The following IGSF11 variants were observed in gnomAD, a reference collection of about 807,000 sequenced individuals.
IGSF11 encodes immunoglobulin superfamily member 11, also known as CXADR like 1.
IGSF11 carries 22 observed loss-of-function variants against 41.0 expected under a neutral mutation model. The ratio of observed to expected loss-of-function variants is 0.54; its 90% CI spans 0.38 to 0.77. The LOEUF is 0.77. IGSF11 is among the 30% of genes least tolerant of loss of function. The pLI, the probability that IGSF11 is intolerant of heterozygous loss-of-function variation, is 0.00. For missense variants in IGSF11, 444 were observed against 530.8 expected (o/e 0.84, Z 1.61); for synonymous variants, 219 against 201.3 (o/e 1.09, Z -0.74).
intron 1 of IGSF11, among the ~76,000 whole-genome samples, chr3:118,935,093 A>G (rs1943139509): frequency 6.6e-6 from 1 of 151,832 alleles, no homozygotes; most frequent in Non-Finnish European, 1.5e-5. Flanking sequence ...GCTTTTAATC[A>G]TACCTTGCGA....
intron 1 of IGSF11, among the ~76,000 whole-genome samples, chr3:118,972,627 T>TA (rs1429070803): frequency 3.3e-5 from 5 of 152,182 alleles, no homozygotes; most frequent in Non-Finnish European, 5.9e-5. Context: ...AACACATGGG[T>TA]ACAGGGCTGG....
rs1938906598 is a variant in IGSF11 at position 118,901,864 on chromosome 3, T to C, written c.*656A>G. The C allele has an allele frequency of 6.6e-6, 1 of 152,050 alleles. No homozygotes were observed. The highest frequency in any genetic ancestry group is 2.1e-4 in the South Asian group (1 of 4,818). The allele number at this position is 152,050 out of a possible 1,614,324, so 9.4% of individuals were successfully genotyped here. A position where few individuals can be genotyped will look rare whatever the true frequency, so the allele number is the denominator to read the frequency against. On this transcript the variant is annotated 3_prime_UTR_variant, in exon 7 of 7. Coordinates refer to ENST00000393775, the MANE Select transcript of IGSF11 (RefSeq NM_001015887.3). ...ACACAGACAGGCAAGAATCTGTCAA[T>C]ATAGCAATATTCCACATATGAAATT...
chr3:118,911,327 A>G (rs1054530087), intron 4 of IGSF11, among the ~76,000 whole-genome samples: 5 of 152,180 alleles, frequency 3.3e-5, no homozygotes, highest in Non-Finnish European at 7.4e-5. Context: ...GCACTTGTTT[A>G]TTCAGCACTT....
chr3:119,000,958 A>G lies in IGSF11; in HGVS notation c.52+33573T>C, dbSNP rs986148456. The stretch of plus-strand genomic sequence containing the variant: ...AAGGTTCTGTGCTGTCTGCTCTTTC[A>G]TTGCCCAGCAACCATATTTTCTATA... On this transcript the variant is annotated intron_variant, in intron 1 of 6. Coordinates refer to ENST00000393775, the MANE Select transcript of IGSF11 (RefSeq NM_001015887.3). Among the ~76,000 whole-genome samples, 13 of 152,114 alleles carry G rather than the reference A, an allele frequency of 8.5e-5. 1 individual carries two copies. Among genetic ancestry groups the G allele is most frequent in the Admixed American group, 7.9e-4 (12 of 15,272 alleles).
intron 1 of IGSF11, among the ~76,000 whole-genome samples, chr3:119,084,271 A>C (rs1361759611): frequency 6.6e-6 from 1 of 152,120 alleles, no homozygotes; most frequent in African/African-American, 2.4e-5. Flanking sequence ...AAGGCAAGGA[A>C]GCTGGGAAGC....
intron 1 of IGSF11, among the ~76,000 whole-genome samples, chr3:118,984,300 G>A (rs1241538983): frequency 6.6e-6 from 1 of 152,026 alleles, no homozygotes; most frequent in African/African-American, 2.4e-5. Context: ...AAAGCACATT[G>A]GTTAATGTAT....
chr3:118,902,313 T>C lies in IGSF11; in HGVS notation c.*207A>G, dbSNP rs1052249724. 2.5e-5 allele frequency: 13 copies of C among 514,700 alleles called. No individual in the cohort carries two copies. The highest frequency in any genetic ancestry group is 7.6e-5 in the African/African-American group (4 of 52,626). The allele number at this position is 514,700 out of a possible 1,614,324, so 31.9% of individuals were successfully genotyped here. A position where few individuals can be genotyped will look rare whatever the true frequency, so the allele number is the denominator to read the frequency against. ...GATCCAGCAGAATCCCAGGACATCT[T>C]TGGTGGGGAAGCAAGTCTTCATGAT... is the stretch of plus-strand genomic sequence containing the variant. On this transcript the variant is annotated 3_prime_UTR_variant, in exon 7 of 7. Transcript: ENST00000393775.
chr3:119,121,296 A>G (rs995353083), intron 1 of IGSF11, among the ~76,000 whole-genome samples: 1 of 152,216 alleles, frequency 6.6e-6, no homozygotes, highest in Non-Finnish European at 1.5e-5. Context: ...AGGTAAAGGA[A>G]CCATGAGTAA....
chr3:118,970,913 CA>C (rs1212244299), intron 1 of IGSF11, among the ~76,000 whole-genome samples: 2 of 151,506 alleles, frequency 1.3e-5, no homozygotes, highest in Non-Finnish European at 2.9e-5. Flanking sequence ...CTAAAAAGAC[CA>C]AAAATAGTGT....
At chr3:119,064,376 T>A (rs894983417) in intron 1 of IGSF11, among the ~76,000 whole-genome samples, 1 of 152,148 alleles carries the variant, frequency 6.6e-6, no homozygotes, top group East Asian at 1.9e-4. Context: ...GTTTTCCCTC[T>A]ATTCTGTTCT....
At chr3:118,999,319 T>C (rs1371995833) in intron 1 of IGSF11, among the ~76,000 whole-genome samples, 1 of 152,150 alleles carries the variant, frequency 6.6e-6, no homozygotes, top group African/African-American at 2.4e-5. Context: ...ATGAATACTT[T>C]CGAAAACATA....
At chr3:119,131,526 A>C (rs993366118) in intron 1 of IGSF11, among the ~76,000 whole-genome samples, 11 of 152,246 alleles carry the variant, frequency 7.2e-5, no homozygotes, top group Admixed American at 5.9e-4. Context: ...AAGGGAACAA[A>C]GCCTCCAAGA....
intron 1 of IGSF11, among the ~76,000 whole-genome samples, chr3:119,098,391 A>G (rs1433410183): frequency 6.6e-6 from 1 of 152,194 alleles, no homozygotes; most frequent in Non-Finnish European, 1.5e-5. Flanking sequence ...ATGTGTTACT[A>G]TGTCTTATAA....
intron 1 of IGSF11, among the ~76,000 whole-genome samples, chr3:119,119,359 G>T (rs977855290): frequency 6.6e-6 from 1 of 152,200 alleles, no homozygotes; most frequent in African/African-American, 2.4e-5. Context: ...GAGAGCTTGT[G>T]CAGGGAAACA....
At chr3:118,984,117 T>C (rs974130689) in intron 1 of IGSF11, among the ~76,000 whole-genome samples, 1 of 152,082 alleles carries the variant, frequency 6.6e-6, no homozygotes, top group Non-Finnish European at 1.5e-5. Flanking sequence ...TCTTGACTTT[T>C]GTTTTTTCAA....
intron 1 of IGSF11, chr3:119,012,718 T>C (rs1559790694): frequency 6.6e-6 from 1 of 152,228 alleles, no homozygotes; most frequent in Non-Finnish European, 1.5e-5. Context: ...TAAAGATCTA[T>C]TGAAAATCCA....
intron 1 of IGSF11, among the ~76,000 whole-genome samples, chr3:119,026,118 A>C (rs963221450): frequency 6.6e-6 from 1 of 152,078 alleles, no homozygotes; most frequent in African/African-American, 2.4e-5. Context: ...AAAATACAAA[A>C]ATTCTTCTTA....
chr3:119,035,738 A>G (rs562904522), upstream of IGSF11, among the ~76,000 whole-genome samples: 1 of 152,266 alleles, frequency 6.6e-6, no homozygotes, highest in South Asian at 2.1e-4. Context: ...ATTCTCTTAT[A>G]CTGGGCTCTG....
intron 1 of IGSF11, among the ~76,000 whole-genome samples, chr3:118,941,403 G>T (rs936291900): frequency 6.6e-6 from 1 of 151,984 alleles, no homozygotes; most frequent in African/African-American, 2.4e-5. Context: ...AGTCAACAGG[G>T]AACTTAAAAC....
Sources: allele counts gnomAD v4.1 joint callset (sites outside exome capture counted in the v4.1 genomes callset), GRCh38; gene constraint gnomAD v4.1.1; transcripts MANE v1.5; gene names NCBI Gene and HGNC (gene_info 2026-07-23, HGNC 2026-07-21).